The following PHF21B variants were observed in gnomAD, a reference collection of about 807,000 sequenced individuals.
The protein encoded by PHF21B is PHD finger protein 21B.
PHF21B carries 22 observed loss-of-function variants against 62.2 expected under a neutral mutation model. The observed-to-expected ratio is 0.35, with a 90% CI of 0.25 to 0.51. The LOEUF (loss-of-function observed/expected upper bound fraction) is 0.51. Ranked by LOEUF, PHF21B falls within the 20% of genes least tolerant of loss-of-function variation. The pLI, the probability that PHF21B is intolerant of heterozygous loss-of-function variation, is 0.97. For missense variants in PHF21B, 701 were observed against 707.9 expected, an observed-to-expected ratio of 0.99 and a Z score of 0.11; for synonymous variants, 341 against 314.7, an observed-to-expected ratio of 1.08 and a Z score of -0.88.
intron 2 of PHF21B, among the ~76,000 whole-genome samples, chr22:44,966,539 G>C (rs1158467462): frequency 1.3e-5 from 2 of 152,086 alleles, no homozygotes; most frequent in East Asian, 3.9e-4. Context: ...GGGAGTCCCT[G>C]GGCAGGCAGG....
At position 44,889,744 on chromosome 22, in the gene PHF21B, G is replaced by C. The variant is rs751784954; in HGVS notation, c.1038+16C>G. On this transcript the variant is annotated intron_variant, in intron 9 of 12. Coordinates refer to ENST00000313237, the MANE Select transcript of PHF21B (RefSeq NM_138415.5). ...TCCACCCCGGAAGTGTGAAGACGGA[G>C]GGAGGGGACACGTACCTTCCAGCAG... 1 of 1,584,722 alleles carries C rather than the reference G, an allele frequency of 6.3e-7. No individual in the cohort carries two copies. Among genetic ancestry groups the C allele is most frequent in the Non-Finnish European group, 8.6e-7 (1 of 1,168,466 alleles).
intron 2 of PHF21B, among the ~76,000 whole-genome samples, chr22:44,922,020 G>T (rs1396286052): frequency 6.6e-6 from 1 of 152,192 alleles, no homozygotes; most frequent in Non-Finnish European, 1.5e-5. Context: ...TGGGGAGAGA[G>T]GGAACCCCTT....
chr22:44,967,889 C>T (rs566113098), intron 2 of PHF21B, among the ~76,000 whole-genome samples: 9 of 152,294 alleles, frequency 5.9e-5, no homozygotes, highest in Non-Finnish European at 2.9e-5. Context: ...TCAGGAATTT[C>T]GCAGAATGTC....
intron 2 of PHF21B, among the ~76,000 whole-genome samples, chr22:44,936,866 C>CTTT (rs2071858566): frequency 3.4e-5 from 2 of 59,484 alleles, no homozygotes; most frequent in African/African-American, 1.3e-4. Context: ...CATCCACTTT[C>CTTT]TTTCTTTTTT....
intron 5 of PHF21B, among the ~76,000 whole-genome samples, chr22:44,907,575 C>G (rs989512689): frequency 3.3e-5 from 5 of 152,158 alleles, no homozygotes; most frequent in African/African-American, 1.2e-4. Flanking sequence ...AGCAAGTGTC[C>G]TTAGGGCAGT....
intron 2 of PHF21B, among the ~76,000 whole-genome samples, chr22:44,964,297 C>T (rs1601652217): frequency 1.3e-5 from 2 of 152,226 alleles, no homozygotes; most frequent in African/African-American, 4.8e-5. Context: ...GAGACACATT[C>T]AACAGTGAGG....
At chr22:44,907,432 CA>C (rs1233925357) in intron 5 of PHF21B, among the ~76,000 whole-genome samples, 1 of 152,184 alleles carries the variant, frequency 6.6e-6, no homozygotes, top group Admixed American at 6.5e-5. Flanking sequence ...GTGGGGTGAA[CA>C]GGCCAGCCGT....
chr22:44,946,386 T>C (rs1443489816), intron 2 of PHF21B, among the ~76,000 whole-genome samples: 1 of 152,178 alleles, frequency 6.6e-6, no homozygotes, highest in African/African-American at 2.4e-5. Context: ...TGCTGGGCTC[T>C]CATCTCTCAG....
chr22:44,994,077 A>G (rs2073082137), intron 2 of PHF21B, among the ~76,000 whole-genome samples: 1 of 152,192 alleles, frequency 6.6e-6, no homozygotes, highest in Non-Finnish European at 1.5e-5. Context: ...GCAGACCCAC[A>G]TACTGAGCCA....
At chr22:44,954,677 C>T (rs369593349) in intron 2 of PHF21B, among the ~76,000 whole-genome samples, 1 of 152,242 alleles carries the variant, frequency 6.6e-6, no homozygotes, top group East Asian at 1.9e-4. Flanking sequence ...TTATTCACAT[C>T]ACAAAACCAT....
At chr22:45,007,280 AGACTC>A (rs1488358276) in intron 2 of PHF21B, among the ~76,000 whole-genome samples, 1 of 151,796 alleles carries the variant, frequency 6.6e-6, no homozygotes, top group African/African-American at 2.4e-5. Flanking sequence ...TTAACTTTAA[AGACTC>A]GACACGAACG....
At chr22:44,964,229 C>T (rs1787188154) in intron 2 of PHF21B, among the ~76,000 whole-genome samples, 1 of 152,090 alleles carries the variant, frequency 6.6e-6, no homozygotes, top group Non-Finnish European at 1.5e-5. Context: ...GGCCTCAACC[C>T]TCTGTCTTCC....
intron 2 of PHF21B, among the ~76,000 whole-genome samples, chr22:44,961,654 A>T (rs2072423212): frequency 6.6e-6 from 1 of 152,040 alleles, no homozygotes; most frequent in Admixed American, 6.6e-5. Context: ...CAGCCTGGTC[A>T]ACATGGTGAA....
intron 2 of PHF21B, among the ~76,000 whole-genome samples, chr22:44,947,811 G>C (rs980353597): frequency 6.6e-6 from 1 of 152,058 alleles, no homozygotes; most frequent in African/African-American, 2.4e-5. Flanking sequence ...TTGTCACTTC[G>C]GCTCTGCTTG....
intron 2 of PHF21B, among the ~76,000 whole-genome samples, chr22:44,965,897 G>C (rs2072516201): frequency 6.6e-6 from 1 of 152,148 alleles, no homozygotes; most frequent in Non-Finnish European, 1.5e-5. Context: ...CTACCCCAAA[G>C]CTGCACACCC....
intron 2 of PHF21B, among the ~76,000 whole-genome samples, chr22:44,977,395 T>A (rs1173445028): frequency 6.6e-6 from 1 of 152,004 alleles, no homozygotes; most frequent in African/African-American, 2.4e-5. Flanking sequence ...TGAAACCCCA[T>A]CTTTACTAAA....
At chr22:45,007,747 G>T (rs1280050258) in intron 2 of PHF21B, among the ~76,000 whole-genome samples, 1 of 143,972 alleles carries the variant, frequency 6.9e-6, no homozygotes, top group Non-Finnish European at 1.5e-5. Flanking sequence ...GAGGGGGCGC[G>T]GCGGGGGAGG....
intron 8 of PHF21B, 73 bp from the exon 9 acceptor site, chr22:44,889,855 G>A (rs375264835): frequency 1.4e-5 from 20 of 1,430,678 alleles, no homozygotes; most frequent in African/African-American, 3.0e-5. Context: ...TGGAGTCCAT[G>A]AGGCCTCATG....
intron 2 of PHF21B, among the ~76,000 whole-genome samples, chr22:44,980,364 T>C (rs1010414462): frequency 6.6e-6 from 1 of 152,178 alleles, no homozygotes; most frequent in African/African-American, 2.4e-5. Context: ...AGGTAACATG[T>C]AGCGATGTGG....
Sources: gnomAD v4.1 joint callset for allele counts (sites outside exome capture counted in the v4.1 genomes callset) on GRCh38, gnomAD v4.1.1 for gene constraint, MANE v1.5 for transcripts, NCBI Gene and HGNC (gene_info 2026-07-23, HGNC 2026-07-21) for gene names.